Variants in ENO4 observed in about 807,000 individuals in gnomAD.
ENO4 encodes the protein 2-phospho-D-glycerate hydro-lyase.
Under a neutral mutation model 63.2 loss-of-function variants are expected in ENO4, and 53 were observed. The observed-to-expected ratio is 0.84, with a 90% CI of 0.67 to 1.05. The LOEUF (loss-of-function observed/expected upper bound fraction) is 1.05, where lower values mean the gene tolerates loss of function less well. ENO4 is among the 50% of genes least tolerant of loss of function. The pLI is 0.00. For synonymous variants in ENO4, 266 were observed against 283.8 expected (o/e 0.94, Z 0.63); for missense variants, 719 against 772.0 (o/e 0.93, Z 0.81).
chr10:116,866,214 A>C (rs1846544607), intron 7 of ENO4, among the ~76,000 whole-genome samples: 1 of 152,148 alleles, frequency 6.6e-6, no homozygotes. Context: ...CAGGGATCAC[A>C]TTTCTGTTGA....
chr10:116,886,509 T>C, downstream of ENO4: 1 of 1,614,198 alleles, frequency 6.2e-7, no homozygotes, highest in South Asian at 1.1e-5. Flanking sequence ...CTACAACTGG[T>C]TCGGCTTGTT....
chr10:116,879,484 A>G (rs1276005536), intron 12 of ENO4, 126 bp downstream of exon 12: 1 of 710,050 alleles, frequency 1.4e-6, no homozygotes, highest in African/African-American at 1.8e-5. Context: ...TTCCTCCCAG[A>G]TAGCTACCTT....
At chr10:116,900,622 C>G in intron 10 of ENO4, 1 of 1,523,842 alleles carries the variant, frequency 6.6e-7, no homozygotes, top group East Asian at 2.5e-5. Context: ...AGCCAAATTG[C>G]TTTTGTGTCT....
intron 12 of ENO4, 128 bp from the exon 13 acceptor site, chr10:116,879,735 CATAAAG>C (rs1846945058): frequency 1.4e-6 from 1 of 702,832 alleles, no homozygotes; most frequent in Non-Finnish European, 2.4e-6. Flanking sequence ...ACTGTGCTTA[CATAAAG>C]ATAAAAAACT....
downstream of ENO4, chr10:116,911,888 A>C (rs775778773): frequency 9.5e-6 from 13 of 1,363,150 alleles, no homozygotes; most frequent in Non-Finnish European, 1.3e-5. Context: ...AATTCAGTTT[A>C]AAAATACTAA....
At chr10:116,849,776 C>G in intron 1 of ENO4, 45 bp downstream of exon 1, 1 of 1,466,862 alleles carries the variant, frequency 6.8e-7, no homozygotes, top group Non-Finnish European at 9.1e-7. Flanking sequence ...ACCCCTCTCC[C>G]CCCGCCCCGC....
chr10:116,876,443 G>C (rs980523069), intron 11 of ENO4, among the ~76,000 whole-genome samples, 183 bp downstream of exon 11: 1 of 152,216 alleles, frequency 6.6e-6, no homozygotes, highest in Non-Finnish European at 1.5e-5. Context: ...CCTTCACTAC[G>C]TTCCACTAAC....
intron 8 of ENO4, 114 bp from the exon 9 acceptor site, chr10:116,871,011 C>T (rs1846678427): frequency 1.1e-6 from 1 of 873,308 alleles, no homozygotes; most frequent in Non-Finnish European, 1.7e-6. Flanking sequence ...GATTGAGAAT[C>T]AAAGGACTGA....
Position 116,849,530 on chromosome 10 carries a change from C to T in ENO4, c.-37C>T, listed in dbSNP as rs1291040544. On this transcript the variant is annotated 5_prime_UTR_variant, in exon 1 of 14. Transcript: ENST00000341276. Reference sequence around the variant, plus strand: ...CGACAGCAGGGACGCTCGTGGGACCCCAGGCTAAACCCCGCTGTAGCCTTA... The same window carrying T: ...CGACAGCAGGGACGCTCGTGGGACCTCAGGCTAAACCCCGCTGTAGCCTTA... 1.0e-5 allele frequency: 15 copies of T among 1,473,154 alleles called. No individual in the cohort carries two copies. The highest frequency in any genetic ancestry group is 1.4e-5 in the African/African-American group (1 of 70,526). 91.3% of individuals were successfully genotyped at this position (1,473,154 alleles called of 1,614,324 possible). A position where few individuals can be genotyped will look rare whatever the true frequency, so the allele number is the denominator to read the frequency against.
At chr10:116,897,522 T>C (rs540907406) in intron 10 of ENO4, among the ~76,000 whole-genome samples, 8 of 152,300 alleles carry the variant, frequency 5.3e-5, no homozygotes, top group Non-Finnish European at 1.2e-4. Flanking sequence ...AAACAACTTG[T>C]CCAAGTCATC....
chr10:116,849,840 C>A, intron 1 of ENO4, 109 bp downstream of exon 1: 2 of 1,268,896 alleles, frequency 1.6e-6, no homozygotes, highest in Non-Finnish European at 2.2e-6. Context: ...GCATGCCAGC[C>A]GCCCGGGCCC....
In ENO4 at chr10:116,860,933, C is replaced by T; in HGVS notation, c.774C>T (p.Tyr258=). 1 of 1,546,410 alleles carries T rather than the reference C, an allele frequency of 6.5e-7. No individual in the cohort carries two copies. The highest frequency in any genetic ancestry group is 8.7e-7 in the Non-Finnish European group (1 of 1,143,992). ...CCATGCTGCTTAATAAACCTCTGTA[C>T]TTAAATATCGCTCTACTGAAGCACA... ...ACAMLLNKPL[Y]LNIALLKHNQ... Residue 258 remains tyrosine, a synonymous_variant, in exon 5 of 14, where the codon TAC becomes TAT. Transcript: ENST00000341276.
intron 10 of ENO4, among the ~76,000 whole-genome samples, chr10:116,890,277 G>A (rs140738193): frequency 6.6e-6 from 1 of 152,152 alleles, no homozygotes; most frequent in East Asian, 1.9e-4. Context: ...CACAAAATCT[G>A]CAAGTAAAAC....
chr10:116,865,924 C>G (rs1434355362), intron 7 of ENO4, among the ~76,000 whole-genome samples: 1 of 152,138 alleles, frequency 6.6e-6, no homozygotes, highest in African/African-American at 2.4e-5. Flanking sequence ...TACGTACCAT[C>G]CTGAGTGCTT....
At chr10:116,900,750 C>A in intron 10 of ENO4, 1 of 984,060 alleles carries the variant, frequency 1.0e-6, no homozygotes, top group Non-Finnish European at 1.2e-6. Context: ...TCAAATGACT[C>A]TAGTCAAAAG....
chr10:116,861,256 TACTCCGTCATTGATGAAC>T, intron 6 of ENO4, 66 bp downstream of exon 6: 2 of 405,290 alleles, frequency 4.9e-6, no homozygotes, highest in African/African-American at 2.2e-5. Flanking sequence ...TATATATATA[TACTCCGTCATTGATGAAC>T]TTTTAGTGGG....
chr10:116,908,230 T>C (rs1303505633), intron 10 of ENO4, among the ~76,000 whole-genome samples: 2 of 152,236 alleles, frequency 1.3e-5, no homozygotes, highest in Non-Finnish European at 2.9e-5. Flanking sequence ...ATAAGGCTCA[T>C]ATTTTAATTA....
At chr10:116,884,584 T>G (rs530945138), downstream of ENO4, 1 of 240,360 alleles carries the variant, frequency 4.2e-6, no homozygotes, top group African/African-American at 2.3e-5. Flanking sequence ...CATATTTTTA[T>G]ATTCCTAAAT....
At chr10:116,898,570 T>A (rs1407395234) in intron 10 of ENO4, among the ~76,000 whole-genome samples, 1 of 152,152 alleles carries the variant, frequency 6.6e-6, no homozygotes, top group Admixed American at 6.5e-5. Context: ...CAATCGGAAT[T>A]CATAACGTTC....
Sources: allele counts gnomAD v4.1 joint callset (sites outside exome capture counted in the v4.1 genomes callset), GRCh38; gene constraint gnomAD v4.1.1; transcripts MANE v1.5; gene names NCBI Gene and HGNC (gene_info 2026-07-23, HGNC 2026-07-21).